The following CORIN variants were observed in gnomAD, a reference collection of about 807,000 sequenced individuals.
CORIN encodes the protein corin, serine peptidase, also known as atrial natriuretic peptide-converting enzyme.
CORIN carries 117 observed loss-of-function variants against 125.3 expected under a neutral mutation model. That is an observed-to-expected ratio of 0.93 (90% confidence interval 0.80 to 1.09). The LOEUF is 1.09. CORIN is among the 50% of genes least tolerant of loss of function. The probability of loss-of-function intolerance (pLI) is 0.00; values close to 1 mark genes in which losing one functional copy is unlikely to be tolerated. For synonymous variants in CORIN, 450 were observed against 466.4 expected (o/e 0.96, Z 0.45); for missense variants, 1,253 against 1,306.7 (o/e 0.96, Z 0.63).
chr4:47,665,312 A>G (rs1724434558), intron 10 of CORIN, 49 bp from the exon 11 acceptor site: 1 of 1,395,798 alleles, frequency 7.2e-7, no homozygotes, highest in Non-Finnish European at 1.0e-6. Context: ...ACATATAAAA[A>G]CAACTTCTTT....
intron 3 of CORIN, among the ~76,000 whole-genome samples, chr4:47,778,976 A>C (rs1393092192): frequency 1.3e-5 from 2 of 152,210 alleles, no homozygotes; most frequent in Non-Finnish European, 2.9e-5. Flanking sequence ...GCCCCTACAT[A>C]AAATTTAGGC....
intron 5 of CORIN, among the ~76,000 whole-genome samples, chr4:47,722,277 T>C (rs1393645434): frequency 6.6e-6 from 1 of 152,186 alleles, no homozygotes; most frequent in Non-Finnish European, 1.5e-5. Context: ...TTTCCAAGGG[T>C]ATATTACAGG....
At chr4:47,708,079 A>T (rs997143102) in intron 5 of CORIN, among the ~76,000 whole-genome samples, 7 of 152,192 alleles carry the variant, frequency 4.6e-5, no homozygotes, top group Non-Finnish European at 1.0e-4. Context: ...ATCAGAATCT[A>T]AGCAGTTTGA....
intron 3 of CORIN, among the ~76,000 whole-genome samples, chr4:47,782,377 T>A: frequency 3.0e-5 from 4 of 132,460 alleles, no homozygotes; most frequent in Middle Eastern, 4.2e-3. Flanking sequence ...AGAGCAAGAC[T>A]CCATCTCAAG....
intron 10 of CORIN, among the ~76,000 whole-genome samples, chr4:47,671,096 GGCACTAGA>G (rs1487903535): frequency 1.3e-5 from 2 of 152,244 alleles, no homozygotes; most frequent in Admixed American, 1.3e-4. Flanking sequence ...GTCATAAATA[GGCACTAGA>G]GCAATACATT....
chr4:47,783,671 C>T (rs1481184625), intron 3 of CORIN, among the ~76,000 whole-genome samples: 1 of 152,038 alleles, frequency 6.6e-6, no homozygotes, highest in African/African-American at 2.4e-5. Flanking sequence ...TAAAAATAAA[C>T]TCTCTGCTCA....
intron 5 of CORIN, among the ~76,000 whole-genome samples, chr4:47,741,139 A>G (rs1728373766): frequency 6.6e-6 from 1 of 152,024 alleles, no homozygotes; most frequent in South Asian, 2.1e-4. Flanking sequence ...TTAAAATGAA[A>G]ACAGCCCCCG....
intron 19 of CORIN, among the ~76,000 whole-genome samples, chr4:47,623,096 C>CTCTCTCTCTCTCTCTCTCTATA (rs771867590): frequency 7.8e-5 from 8 of 102,308 alleles, no homozygotes; most frequent in African/African-American, 2.1e-4. Flanking sequence ...CTCTCTCTCT[C>CTCTCTCTCTCTCTCTCTCTATA]TATATATATA....
chr4:47,739,814 A>C (rs1728306388), intron 5 of CORIN, among the ~76,000 whole-genome samples: 1 of 151,996 alleles, frequency 6.6e-6, no homozygotes, highest in Non-Finnish European at 1.5e-5. Context: ...AAAGAAACAA[A>C]GCTATACAGA....
chr4:47,642,985 T>C, intron 15 of CORIN, 161 bp downstream of exon 15: 3 of 1,537,494 alleles, frequency 2.0e-6, no homozygotes, highest in Non-Finnish European at 2.6e-6. Flanking sequence ...TTCTGTGAGT[T>C]GGAAATAACA....
chr4:47,691,997 G>T (rs1429144119), intron 6 of CORIN, among the ~76,000 whole-genome samples: 1 of 151,744 alleles, frequency 6.6e-6, no homozygotes, highest in African/African-American at 2.4e-5. Flanking sequence ...CACAGCTCTT[G>T]CCATACTAAC....
intron 16 of CORIN, among the ~76,000 whole-genome samples, chr4:47,635,062 G>T (rs1403942106): frequency 1.3e-5 from 2 of 152,330 alleles, no homozygotes; most frequent in Non-Finnish European, 2.9e-5. Context: ...AATTAGATTT[G>T]ACATGTTTAT....
At chr4:47,787,665 G>C (rs1232912612) in intron 2 of CORIN, among the ~76,000 whole-genome samples, 1 of 152,048 alleles carries the variant, frequency 6.6e-6, no homozygotes, top group Non-Finnish European at 1.5e-5. Flanking sequence ...GTGGTGTTTG[G>C]TAACGAGTAA....
intron 9 of CORIN, among the ~76,000 whole-genome samples, chr4:47,675,282 T>C (rs1437171426): frequency 6.6e-6 from 1 of 152,246 alleles, no homozygotes; most frequent in Non-Finnish European, 1.5e-5. Flanking sequence ...TGGAATCTAG[T>C]CAACCTTGCA....
At position 47,635,780 on chromosome 4, in the gene CORIN, T is replaced by C. The variant is rs1723000045; in HGVS notation, c.2198+6140A>G. Among the ~76,000 whole-genome samples, 3 of 152,290 alleles carry C rather than the reference T, an allele frequency of 2.0e-5. 1 individual carries two copies. In the South Asian group the frequency reaches 6.2e-4, roughly 32 times the overall value. ...CAGGTAAAAGCCAGATTGCAGTAGGTTTTGAAGACAACATGAAAAAGACAC... is the reference window on the plus strand; with the variant it reads ...CAGGTAAAAGCCAGATTGCAGTAGGCTTTGAAGACAACATGAAAAAGACAC... On this transcript the variant is annotated intron_variant, in intron 16 of 21. Coordinates refer to ENST00000273857, the MANE Select transcript of CORIN (RefSeq NM_006587.4).
intron 10 of CORIN, among the ~76,000 whole-genome samples, chr4:47,669,702 G>A (rs1289172274): frequency 6.6e-6 from 1 of 151,862 alleles, no homozygotes; most frequent in Non-Finnish European, 1.5e-5. Flanking sequence ...CCGAGTAGCT[G>A]GGACTACAGG....
intron 5 of CORIN, among the ~76,000 whole-genome samples, chr4:47,699,475 C>T (rs79593991): frequency 0.02 from 2,995 of 152,246 alleles, 106 homozygotes; most frequent in African/African-American, 0.068. Flanking sequence ...AGAAGATTTC[C>T]GTTTGCTGAT....
At chr4:47,645,752 A>G (rs1002758567) in intron 13 of CORIN, among the ~76,000 whole-genome samples, 2 of 151,882 alleles carry the variant, frequency 1.3e-5, no homozygotes, top group Admixed American at 6.6e-5. Context: ...ACAGCAAGGT[A>G]GTGCGTGCCT....
intron 19 of CORIN, among the ~76,000 whole-genome samples, chr4:47,618,332 CA>C (rs57190153): frequency 3.9e-4 from 42 of 108,158 alleles, no homozygotes; most frequent in Admixed American, 5.5e-4. Flanking sequence ...GAAACTCCAT[CA>C]AAAAAAAAAA....
Sources: allele counts gnomAD v4.1 joint callset (sites outside exome capture counted in the v4.1 genomes callset), GRCh38; gene constraint gnomAD v4.1.1; transcripts MANE v1.5; gene names NCBI Gene and HGNC (gene_info 2026-07-23, HGNC 2026-07-21).